Variants in ZNF420 observed in about 807,000 individuals in gnomAD.
The protein encoded by ZNF420 is ATM and p53-associated KZNF protein.
In ZNF420, 31 loss-of-function variants were observed where a neutral mutation model predicts 44.7. The ratio of observed to expected loss-of-function variants is 0.69; its 90% CI spans 0.52 to 0.94. The LOEUF is 0.94. Ranked by LOEUF, ZNF420 falls within the 40% of genes least tolerant of loss-of-function variation. The probability of loss-of-function intolerance (pLI) is 0.00; values close to 1 mark genes in which losing one functional copy is unlikely to be tolerated. For synonymous variants in ZNF420, 245 were observed against 267.4 expected (o/e 0.92, Z 0.82); for missense variants, 681 against 827.9 (o/e 0.82, Z 2.18).
rs117008214 is a variant in ZNF420 at position 37,035,193 on chromosome 19, G to A, written c.-125+27111G>A. ...AAATAATGCAACTGCCCAAATTTTC[G>A]CCAATCAAATAATTTATCTACTCTA... On this transcript the variant is annotated intron_variant, in intron 1 of 4. Transcript: ENST00000587029. Among the ~76,000 whole-genome samples the A allele has an allele frequency of 6.2e-3, 950 of 152,140 alleles. 28 individuals carry two copies. The highest frequency in any genetic ancestry group is 0.05 in the East Asian group (259 of 5,166).
intron 4 of ZNF420, chr19:37,107,111 T>C (rs751241567): frequency 2.0e-5 from 3 of 152,172 alleles, no homozygotes; most frequent in Non-Finnish European, 2.9e-5. Flanking sequence ...GACTTCCTCT[T>C]ATCTGAACTG....
chr19:37,111,035 T>A (rs1970361821), intron 4 of ZNF420, among the ~76,000 whole-genome samples: 1 of 152,216 alleles, frequency 6.6e-6, no homozygotes. Context: ...ACAATTTTAT[T>A]ATTCGTAATC....
At chr19:37,053,856 G>A (rs1031198528) in intron 1 of ZNF420, among the ~76,000 whole-genome samples, 20 of 152,296 alleles carry the variant, frequency 1.3e-4, no homozygotes, top group Middle Eastern at 3.4e-3. Context: ...CTCCAGCTGC[G>A]TGCTGGGAGA....
At chr19:37,081,405 C>T (rs1319403206) in intron 2 of ZNF420, among the ~76,000 whole-genome samples, 1 of 151,910 alleles carries the variant, frequency 6.6e-6, no homozygotes, top group Admixed American at 6.6e-5. Context: ...TCAACTAGGT[C>T]AGGTAGGTTG....
Position 37,061,072 on chromosome 19 carries a change from A to T in ZNF420, c.-124-19273A>T, listed in dbSNP as rs970467558. 7.9e-5 allele frequency among the ~76,000 whole-genome samples: 12 copies of T among 152,212 alleles called. No homozygotes were observed. In the South Asian group the frequency reaches 2.5e-3, roughly 32 times the overall value. ...TGTTCTATGATTTTCGTTGGCATCG[A>T]TGGAAAGGTCACCTGTGCCCCCCTT... is the stretch of plus-strand genomic sequence containing the variant. On this transcript the variant is annotated intron_variant, in intron 1 of 4. Coordinates refer to the ZNF420 transcript ENST00000587029.
intron 3 of ZNF420, among the ~76,000 whole-genome samples, chr19:37,090,350 A>T (rs188177189): frequency 6.6e-6 from 1 of 152,114 alleles, no homozygotes; most frequent in Non-Finnish European, 1.5e-5. Flanking sequence ...TTGGAAAATT[A>T]TCAGGGCACA....
At chr19:37,029,696 TATCTTTAGTA>T (rs955845679) in intron 1 of ZNF420, among the ~76,000 whole-genome samples, 2 of 152,126 alleles carry the variant, frequency 1.3e-5, no homozygotes, top group Non-Finnish European at 2.9e-5. Context: ...TAATTTTTTG[TATCTTTAGTA>T]GAGACGGGGT....
chr19:37,063,731 A>G (rs10421509), intron 1 of ZNF420, among the ~76,000 whole-genome samples: 79,425 of 151,904 alleles, frequency 0.52, 21,494 homozygotes, highest in African/African-American at 0.63. Context: ...AAAATGCTGC[A>G]TATTTCCTAC....
intron 1 of ZNF420, among the ~76,000 whole-genome samples, chr19:37,035,769 C>CA (rs1967343746): frequency 6.6e-6 from 1 of 152,056 alleles, no homozygotes; most frequent in Non-Finnish European, 1.5e-5. Flanking sequence ...GGGCCTTTGA[C>CA]AAGAGCTTGT....
intron 4 of ZNF420, among the ~76,000 whole-genome samples, chr19:37,103,103 G>T (rs1317241580): frequency 1.3e-5 from 2 of 151,872 alleles, no homozygotes; most frequent in African/African-American, 4.8e-5. Flanking sequence ...TTTAATAAAT[G>T]CACTTAAGAC....
chr19:37,057,749 G>T (rs1599623113), intron 1 of ZNF420, among the ~76,000 whole-genome samples: 1 of 152,070 alleles, frequency 6.6e-6, no homozygotes, highest in East Asian at 1.9e-4. Flanking sequence ...ATCCTGAGCG[G>T]CTTTTCTAGA....
At chr19:37,021,560 C>G (rs915036058) in intron 1 of ZNF420, among the ~76,000 whole-genome samples, 4 of 152,166 alleles carry the variant, frequency 2.6e-5, no homozygotes, top group African/African-American at 7.2e-5. Flanking sequence ...AACCACCACA[C>G]TGGGCCGAAA....
At chr19:37,046,674 G>C (rs1035732075) in intron 1 of ZNF420, among the ~76,000 whole-genome samples, 1 of 152,152 alleles carries the variant, frequency 6.6e-6, no homozygotes, top group Non-Finnish European at 1.5e-5. Flanking sequence ...TGGGTTGTGT[G>C]GTGGGTTCAC....
chr19:37,035,564 G>A (rs751814327), intron 1 of ZNF420, among the ~76,000 whole-genome samples: 39 of 152,122 alleles, frequency 2.6e-4, no homozygotes, highest in Non-Finnish European at 3.1e-4. Flanking sequence ...ATAACAAGAT[G>A]AAAACAAGAA....
At chr19:37,032,280 C>T (rs1555746835) in intron 1 of ZNF420, among the ~76,000 whole-genome samples, 1 of 151,156 alleles carries the variant, frequency 6.6e-6, no homozygotes, top group East Asian at 2.0e-4. Flanking sequence ...TGCAGTGAGC[C>T]GAGATTGCGC....
rs1971568732 is a variant in ZNF420 at position 37,129,819 on chromosome 19, G to A, written c.*761G>A. The A allele has an allele frequency of 4.0e-6, 2 of 503,588 alleles. No homozygotes were observed. The highest frequency in any genetic ancestry group is 6.5e-6 in the Non-Finnish European group (2 of 307,608). The allele number at this position is 503,588 out of a possible 1,614,324, so 31.2% of individuals were successfully genotyped here. ...AGCTGTTAGAGAAGTGGGACAAGGTGTGAAGTGATTTTTAACGAAGTCTAA... is the reference window on the plus strand; with the variant it reads ...AGCTGTTAGAGAAGTGGGACAAGGTATGAAGTGATTTTTAACGAAGTCTAA... On this transcript the variant is annotated 3_prime_UTR_variant, in exon 5 of 5. Coordinates refer to ENST00000337995, the MANE Select transcript of ZNF420 (RefSeq NM_144689.5).
Position 37,089,141 on chromosome 19 carries a change from T to C in ZNF420, c.9+14T>C. Reference sequence around the variant, plus strand: ...ACCATGGCTCGGGTAAATTGGAGTTTCCTTGTGCTCTTTTCACTTACTTTT... The same window carrying C: ...ACCATGGCTCGGGTAAATTGGAGTTCCCTTGTGCTCTTTTCACTTACTTTT... On this transcript the variant is annotated intron_variant, in intron 3 of 4. Transcript: ENST00000337995. The C allele has an allele frequency of 6.2e-7, 1 of 1,610,768 alleles. No homozygotes were observed. Among genetic ancestry groups the C allele is most frequent in the Non-Finnish European group, 8.5e-7 (1 of 1,176,930 alleles).
At chr19:37,060,160 T>C (rs1455549753) in intron 1 of ZNF420, among the ~76,000 whole-genome samples, 1 of 152,044 alleles carries the variant, frequency 6.6e-6, no homozygotes, top group Non-Finnish European at 1.5e-5. Context: ...GTCTATTCTC[T>C]AGAATCAAGA....
At chr19:37,073,471 G>C (rs1224457596), upstream of ZNF420, among the ~76,000 whole-genome samples, 1 of 152,136 alleles carries the variant, frequency 6.6e-6, no homozygotes, top group African/African-American at 2.4e-5. Flanking sequence ...GGGCGTGGTG[G>C]TTCACACCTG....
Sources: allele counts gnomAD v4.1 joint callset (sites outside exome capture counted in the v4.1 genomes callset), GRCh38; gene constraint gnomAD v4.1.1; transcripts MANE v1.5; gene names NCBI Gene and HGNC (gene_info 2026-07-23, HGNC 2026-07-21).